GALNTL6: variants seen among roughly 807,000 people sequenced by gnomAD.
GALNTL6 encodes polypeptide N-acetylgalactosaminyltransferase-like 6.
In GALNTL6, 46 loss-of-function variants were observed where a neutral mutation model predicts 73.7. That is an observed-to-expected ratio of 0.62 (90% CI 0.49 to 0.80). The LOEUF (loss-of-function observed/expected upper bound fraction) is 0.80. Among genes scored for constraint, GALNTL6 ranks in the 30% least tolerant of loss-of-function variants. GALNTL6 has a pLI of 0.00. For missense variants in GALNTL6, 604 were observed against 755.0 expected, an observed-to-expected ratio of 0.80 and a Z score of 2.34; for synonymous variants, 259 against 263.7, an observed-to-expected ratio of 0.98 and a Z score of 0.17.
intron 5 of GALNTL6, among the ~76,000 whole-genome samples, chr4:172,631,476 A>G (rs1739395015): frequency 1.3e-5 from 2 of 152,214 alleles, no homozygotes. Flanking sequence ...GTTCTACTAA[A>G]AAACAAAATT....
intron 10 of GALNTL6, among the ~76,000 whole-genome samples, chr4:172,981,299 C>T (rs544195588): frequency 6.0e-4 from 91 of 152,268 alleles, no homozygotes; most frequent in Non-Finnish European, 7.6e-4. Flanking sequence ...AGCAGCTACC[C>T]CATTTGGCAT....
intron 5 of GALNTL6, among the ~76,000 whole-genome samples, chr4:172,718,979 A>G (rs1735281313): frequency 6.6e-6 from 1 of 152,204 alleles, no homozygotes; most frequent in Non-Finnish European, 1.5e-5. Flanking sequence ...TAGCAACTCA[A>G]TGAAACACTC....
intron 3 of GALNTL6, among the ~76,000 whole-genome samples, chr4:172,272,279 G>A (rs1001374857): frequency 2.6e-5 from 4 of 152,100 alleles, no homozygotes; most frequent in Admixed American, 2.0e-4. Flanking sequence ...GTTTAATGAG[G>A]ATAATATATA....
chr4:172,262,263 A>G (rs1738282694), intron 3 of GALNTL6, among the ~76,000 whole-genome samples: 1 of 151,284 alleles, frequency 6.6e-6, no homozygotes, highest in East Asian at 1.9e-4. Context: ...CATCTATCTC[A>G]TTTCTTAGGT....
chr4:172,415,804 G>T (rs1206393118), intron 5 of GALNTL6, among the ~76,000 whole-genome samples: 5 of 152,246 alleles, frequency 3.3e-5, no homozygotes, highest in South Asian at 4.1e-4. Flanking sequence ...GTGACCGGGG[G>T]CTGCCTGCAC....
chr4:171,920,519 CA>C (rs1737755614), intron 2 of GALNTL6, among the ~76,000 whole-genome samples: 1 of 151,780 alleles, frequency 6.6e-6, no homozygotes, highest in Admixed American at 6.6e-5. Flanking sequence ...AGGAATATAT[CA>C]AAAGAGTAAA....
chr4:172,439,032 CCTCT>C (rs1325136008), intron 5 of GALNTL6, among the ~76,000 whole-genome samples: 1 of 151,790 alleles, frequency 6.6e-6, no homozygotes, highest in Non-Finnish European at 1.5e-5. Flanking sequence ...GCAAATCTCT[CCTCT>C]CTCTCATTGT....
At chr4:172,970,474 T>G (rs1750528300) in intron 10 of GALNTL6, among the ~76,000 whole-genome samples, 1 of 152,182 alleles carries the variant, frequency 6.6e-6, no homozygotes, top group South Asian at 2.1e-4. Flanking sequence ...GGTCTTAATA[T>G]TTAATATTCC....
intron 2 of GALNTL6, among the ~76,000 whole-genome samples, chr4:172,064,312 C>A (rs928104881): frequency 3.3e-5 from 5 of 152,128 alleles, no homozygotes; most frequent in African/African-American, 1.2e-4. Flanking sequence ...GATTATTTGG[C>A]CTTTGGTGCC....
In GALNTL6 at chr4:172,502,266, C is replaced by A. The variant is rs528773003; in HGVS notation, c.553+153577C>A. Among the ~76,000 whole-genome samples, 36 of 152,292 alleles carry A rather than the reference C, an allele frequency of 2.4e-4. 1 individual carries two copies. In the South Asian group the frequency reaches 7.2e-3, roughly 31 times the overall value. Reference sequence around the variant, plus strand: ...AGACTGTTACTAAACTCATTTCATTCTGATGTGCCTTTTAAAAACTCCATA... The same window carrying A: ...AGACTGTTACTAAACTCATTTCATTATGATGTGCCTTTTAAAAACTCCATA... On this transcript the variant is annotated intron_variant, in intron 5 of 12. Transcript: ENST00000506823.
At chr4:171,945,111 T>A (rs1361019915) in intron 2 of GALNTL6, among the ~76,000 whole-genome samples, 1 of 152,038 alleles carries the variant, frequency 6.6e-6, no homozygotes, top group Non-Finnish European at 1.5e-5. Flanking sequence ...GTAGCTGAGT[T>A]CCGAAGTGTT....
chr4:172,716,045 T>C (rs1431112114), intron 5 of GALNTL6, among the ~76,000 whole-genome samples: 1 of 152,194 alleles, frequency 6.6e-6, no homozygotes, highest in Non-Finnish European at 1.5e-5. Flanking sequence ...CTGTAGCAAT[T>C]TGGCAGTTTT....
At chr4:172,408,968 T>C (rs1744334392) in intron 5 of GALNTL6, among the ~76,000 whole-genome samples, 1 of 152,106 alleles carries the variant, frequency 6.6e-6, no homozygotes, top group Non-Finnish European at 1.5e-5. Flanking sequence ...TCACTTACTA[T>C]ACACTGTACT....
intron 5 of GALNTL6, among the ~76,000 whole-genome samples, chr4:172,363,295 C>G (rs548610958): frequency 6.6e-6 from 1 of 152,260 alleles, no homozygotes; most frequent in African/African-American, 2.4e-5. Context: ...ATCACTCAGG[C>G]TCAAAGAGAA....
At chr4:172,480,264 G>A (rs1561102754) in intron 5 of GALNTL6, among the ~76,000 whole-genome samples, 1 of 151,620 alleles carries the variant, frequency 6.6e-6, no homozygotes, top group Non-Finnish European at 1.5e-5. Flanking sequence ...CATGAGTCAT[G>A]ATCACACCAC....
chr4:172,760,270 T>G (rs1183087670), intron 5 of GALNTL6, among the ~76,000 whole-genome samples: 2 of 152,162 alleles, frequency 1.3e-5, no homozygotes, highest in African/African-American at 4.8e-5. Flanking sequence ...AGTTCCTCCT[T>G]GTGGGTCTCA....
intron 2 of GALNTL6, among the ~76,000 whole-genome samples, chr4:171,913,659 T>A (rs774226018): frequency 6.6e-6 from 1 of 152,204 alleles, no homozygotes; most frequent in Non-Finnish European, 1.5e-5. Context: ...AATGTCAAAT[T>A]ATATCAAAGG....
At chr4:172,657,917 G>A (rs894814939) in intron 5 of GALNTL6, among the ~76,000 whole-genome samples, 6 of 151,888 alleles carry the variant, frequency 4.0e-5, no homozygotes, top group South Asian at 2.1e-4. Context: ...TTGGGAGGCC[G>A]AGGCAGGCGG....
chr4:172,060,089 T>C (rs1731150283), intron 2 of GALNTL6, among the ~76,000 whole-genome samples: 1 of 152,220 alleles, frequency 6.6e-6, no homozygotes. Context: ...TTTTTCTTTT[T>C]TTCTTCTAAG....
Sources: gnomAD v4.1 joint callset for allele counts (sites outside exome capture counted in the v4.1 genomes callset) on GRCh38, gnomAD v4.1.1 for gene constraint, MANE v1.5 for transcripts, NCBI Gene and HGNC (gene_info 2026-07-23, HGNC 2026-07-21) for gene names.